WDR49: variants seen among roughly 807,000 people sequenced by gnomAD.
WDR49 encodes the protein cilia- and flagella-associated protein 337.
WDR49 carries 107 observed loss-of-function variants against 119.5 expected under a neutral mutation model. The observed-to-expected ratio is 0.90, with a 90% CI of 0.77 to 1.05. The LOEUF (loss-of-function observed/expected upper bound fraction) is 1.05, where lower values mean the gene tolerates loss of function less well. WDR49 is among the 50% of genes least tolerant of loss of function. WDR49 has a pLI of 0.00. For missense variants in WDR49, 1,240 were observed against 1,220.5 expected, an observed-to-expected ratio of 1.02 and a Z score of -0.24; for synonymous variants, 425 against 418.8, an observed-to-expected ratio of 1.01 and a Z score of -0.18.
chr3:167,594,394 A>G (rs1214169109), intron 7 of WDR49, among the ~76,000 whole-genome samples: 1 of 152,172 alleles, frequency 6.6e-6, no homozygotes, highest in East Asian at 1.9e-4. Flanking sequence ...TTTACCAAAG[A>G]CACTGGTGGC....
intron 18 of WDR49, among the ~76,000 whole-genome samples, chr3:167,493,533 A>T (rs1751232157): frequency 6.6e-6 from 1 of 152,050 alleles, no homozygotes; most frequent in Non-Finnish European, 1.5e-5. Flanking sequence ...GGCATGGAAA[A>T]CACTGCTCAG....
chr3:167,573,158 C>G (rs1275650372), intron 8 of WDR49, among the ~76,000 whole-genome samples: 1 of 152,122 alleles, frequency 6.6e-6, no homozygotes, highest in Non-Finnish European at 1.5e-5. Flanking sequence ...TCCAAGATTT[C>G]AGTCCTAACA....
chr3:167,649,657 AT>A lies in WDR49; in HGVS notation c.165+3603del, dbSNP rs1718281132. ...TAGATCTCATTCACCTCCAAGACAG[AT>A]TTGTTTTAAGAATTCTCACCACACA... On this transcript the variant is annotated intron_variant, in intron 2 of 18. Coordinates refer to ENST00000682715, the MANE Select transcript of WDR49 (RefSeq NM_001366157.1). Among the ~76,000 whole-genome samples, 5 of 152,178 alleles carry A rather than the reference AT, an allele frequency of 3.3e-5. 1 individual carries two copies. In the South Asian group the frequency reaches 1.0e-3, roughly 31 times the overall value.
chr3:167,495,708 A>G (rs913860178), intron 18 of WDR49, among the ~76,000 whole-genome samples: 2 of 152,006 alleles, frequency 1.3e-5, no homozygotes, highest in African/African-American at 4.8e-5. Context: ...TCCAAGTAGC[A>G]TAAATACACA....
intron 7 of WDR49, among the ~76,000 whole-genome samples, chr3:167,580,285 C>A (rs1056259994): frequency 6.6e-6 from 1 of 152,106 alleles, no homozygotes; most frequent in African/African-American, 2.4e-5. Context: ...TTGCTTTCTG[C>A]TGAGAATTAA....
At position 167,546,647 on chromosome 3, in the gene WDR49, G is replaced by T. The variant is rs1712220215; in HGVS notation, c.1823+8003C>A. ...CGTCTCTAATTTAGAATTTAGATAT[G>T]ACAACCAATTATGTGAGAACAAAAT... On this transcript the variant is annotated intron_variant, in intron 10 of 18. Transcript: ENST00000682715. Among the ~76,000 whole-genome samples the T allele has an allele frequency of 2.1e-5, 3 of 143,466 alleles. No individual in the cohort carries two copies. In the Admixed American group the frequency reaches 2.1e-4, roughly 10 times the overall value. The allele number at this position is 143,466 out of a possible 152,430, so 94.1% of individuals were successfully genotyped here. A position where few individuals can be genotyped will look rare whatever the true frequency, so the allele number is the denominator to read the frequency against.
At chr3:167,612,956 T>C (rs545181234) in intron 5 of WDR49, among the ~76,000 whole-genome samples, 56 of 152,300 alleles carry the variant, frequency 3.7e-4, no homozygotes, top group African/African-American at 1.3e-3. Context: ...AAAAATTTAC[T>C]TAAAAAGAGT....
intron 17 of WDR49, among the ~76,000 whole-genome samples, chr3:167,505,033 T>C (rs915379502): frequency 6.6e-6 from 1 of 152,254 alleles, no homozygotes; most frequent in Non-Finnish European, 1.5e-5. Flanking sequence ...AAATAAATTA[T>C]ACAGTTTCTG....
At chr3:167,544,324 C>T (rs1337728312) in intron 10 of WDR49, among the ~76,000 whole-genome samples, 1 of 151,966 alleles carries the variant, frequency 6.6e-6, no homozygotes, top group Admixed American at 6.6e-5. Flanking sequence ...ACCTAAAATT[C>T]ATATTGAACC....
At position 167,575,964 on chromosome 3, in the gene WDR49, T is replaced by C. The variant is rs1487580490; in HGVS notation, c.1463A>G (p.His488Arg). Residue 488 changes from histidine (H) to arginine (R), a missense_variant, in exon 8 of 19, where the codon CAT becomes CGT. Coordinates refer to ENST00000682715, the MANE Select transcript of WDR49 (RefSeq NM_001366157.1). The stretch of plus-strand genomic sequence containing the variant: ...AAGAACACAAGTGACTGCTTTCTCA[T>C]GGCTTTTCACCCTCTTGCTGGCTTC... ...KSEASKRVKS[H>R]EKAVTCVLYN... is the part of the protein sequence containing the mutation. 1.9e-6 allele frequency: 3 copies of C among 1,614,184 alleles called. No individual in the cohort carries two copies. The highest frequency in any genetic ancestry group is 2.5e-6 in the Non-Finnish European group (3 of 1,180,010).
rs1234773058 is a variant in WDR49, at chr3:167,651,535, AT to A, written c.165+1725del. 2.6e-5 allele frequency among the ~76,000 whole-genome samples: 4 copies of A among 151,886 alleles called. No homozygotes were observed. In the East Asian group the frequency reaches 7.7e-4, roughly 29 times the overall value. On this transcript the variant is annotated intron_variant, in intron 2 of 18. Transcript: ENST00000682715. The stretch of plus-strand genomic sequence containing the variant: ...GTCTAACTTTTAGTACTGGCTGCAC[AT>A]GTGCCATGGGATTATTCCATTCTCT...
At chr3:167,632,751 A>AC (rs1369118184) in intron 2 of WDR49, among the ~76,000 whole-genome samples, 1 of 151,938 alleles carries the variant, frequency 6.6e-6, no homozygotes, top group Non-Finnish European at 1.5e-5. Context: ...AGTGACTCCC[A>AC]CCCTCTGGAA....
intron 16 of WDR49, among the ~76,000 whole-genome samples, chr3:167,520,554 T>C (rs573838560): frequency 1.3e-5 from 2 of 152,248 alleles, no homozygotes; most frequent in East Asian, 1.9e-4. Flanking sequence ...TCTGCCTAAA[T>C]GTAAAATGCC....
chr3:167,656,019 C>G (rs1247662303), upstream of WDR49, among the ~76,000 whole-genome samples: 1 of 152,168 alleles, frequency 6.6e-6, no homozygotes, highest in African/African-American at 2.4e-5. Context: ...AATTATCCGT[C>G]TAGCTCATCT....
intron 7 of WDR49, among the ~76,000 whole-genome samples, chr3:167,589,742 T>C (rs1469424613): frequency 6.6e-6 from 1 of 152,082 alleles, no homozygotes; most frequent in Non-Finnish European, 1.5e-5. Context: ...GTTGTTGGCA[T>C]ATAGAAATGC....
chr3:167,590,557 T>C (rs563936603), intron 7 of WDR49, among the ~76,000 whole-genome samples: 30 of 152,186 alleles, frequency 2.0e-4, no homozygotes, highest in African/African-American at 7.2e-4. Context: ...GAGAGGCTTT[T>C]AACTATGGCT....
At chr3:167,641,187 T>C (rs1717863698) in intron 2 of WDR49, among the ~76,000 whole-genome samples, 1 of 151,892 alleles carries the variant, frequency 6.6e-6, no homozygotes, top group South Asian at 2.1e-4. Flanking sequence ...AATGATTCCA[T>C]ATCTCCAAGT....
intron 10 of WDR49, among the ~76,000 whole-genome samples, chr3:167,552,201 G>T (rs1192179679): frequency 6.6e-6 from 1 of 152,054 alleles, no homozygotes; most frequent in East Asian, 1.9e-4. Flanking sequence ...TAGACACTCT[G>T]AAAGGTTTTA....
chr3:167,562,858 G>A (rs1393874512), intron 8 of WDR49, among the ~76,000 whole-genome samples: 1 of 152,164 alleles, frequency 6.6e-6, no homozygotes, highest in African/African-American at 2.4e-5. Flanking sequence ...TTGTTACGAT[G>A]TTTAAACAAA....
Sources: allele counts gnomAD v4.1 joint callset (sites outside exome capture counted in the v4.1 genomes callset), GRCh38; gene constraint gnomAD v4.1.1; transcripts MANE v1.5; gene names NCBI Gene and HGNC (gene_info 2026-07-23, HGNC 2026-07-21).